Variants in ZCCHC10 observed in about 807,000 individuals in gnomAD.
ZCCHC10 encodes zinc finger CCHC-type containing 10, also known as zinc finger CCHC domain-containing protein 10.
A neutral mutation model predicts 19.5 loss-of-function variants in ZCCHC10; 16 were observed. That is an observed-to-expected ratio of 0.82 (90% CI 0.56 to 1.25). ZCCHC10 has a LOEUF of 1.25. ZCCHC10 is among the 50% of genes most tolerant of loss of function. ZCCHC10 has a pLI of 0.00. For missense variants in ZCCHC10, 197 were observed against 201.0 expected (o/e 0.98, Z 0.12); for synonymous variants, 67 against 72.5 (o/e 0.92, Z 0.38).
At chr5:133,007,800 G>A (rs1763222943) in intron 2 of ZCCHC10, among the ~76,000 whole-genome samples, 1 of 152,142 alleles carries the variant, frequency 6.6e-6, no homozygotes, top group Non-Finnish European at 1.5e-5. Context: ...AGACCTTGAA[G>A]TTAAGATACA....
At position 133,006,776 on chromosome 5, in the gene ZCCHC10, T is replaced by C. The variant is rs187753144; in HGVS notation, c.252A>G (p.Arg84=). The change falls in exon 3 of 5, where the codon AGA becomes AGG. Residue 84 remains arginine, a synonymous_variant. Coordinates refer to ENST00000509437, the MANE Select transcript of ZCCHC10 (RefSeq NM_001300816.3). The part of the protein sequence containing the change: ...LKKALKEKEN[R]LLLQQSIGET... ...AAACCTACCTTTGTTGCAATAATAA[T>C]CTGTTTTCTTTTTCTTTTAAAGCTT... 19 of 1,604,974 alleles carry C rather than the reference T, an allele frequency of 1.2e-5. No individual in the cohort carries two copies. In the African/African-American group the frequency reaches 2.3e-4, roughly 19 times the overall value.
chr5:133,025,096 A>G (rs773011635), intron 1 of ZCCHC10, among the ~76,000 whole-genome samples: 8 of 152,126 alleles, frequency 5.3e-5, no homozygotes, highest in Non-Finnish European at 1.2e-4. Context: ...ACACACATAC[A>G]TATACTAGCA....
rs190505865 is a variant in ZCCHC10, at chr5:133,008,920, G to A, written c.108-2000C>T. Among the ~76,000 whole-genome samples, 26 of 152,252 alleles carry A rather than the reference G, an allele frequency of 1.7e-4. No homozygotes were observed. In the East Asian group the frequency reaches 4.6e-3, roughly 27 times the overall value. ...CCCAGCTACTTGGGAAGCTGAGATA[G>A]GAGGTGCAATTGAGCCCAGGAGTTT... is the stretch of plus-strand genomic sequence containing the variant. On this transcript the variant is annotated intron_variant, in intron 2 of 4. Transcript: ENST00000509437.
rs1282230741 is a variant in ZCCHC10 at position 132,998,365 on chromosome 5, T to C, written c.*218A>G. ...AGCTTTAAGTTCTAGAGATATATTT[T>C]AAAGATAAAAAAAACAAGATTCACC... On this transcript the variant is annotated 3_prime_UTR_variant, in exon 5 of 5. Transcript: ENST00000509437. 3 of 462,584 alleles carry C rather than the reference T, an allele frequency of 6.5e-6. No individual in the cohort carries two copies. Among genetic ancestry groups the C allele is most frequent in the Non-Finnish European group, 7.7e-6 (2 of 258,984 alleles). The allele number at this position is 462,584 out of a possible 1,614,324, so 28.7% of individuals were successfully genotyped here.
At chr5:133,002,860 C>T (rs1429813732) in intron 3 of ZCCHC10, among the ~76,000 whole-genome samples, 1 of 151,930 alleles carries the variant, frequency 6.6e-6, no homozygotes, top group Non-Finnish European at 1.5e-5. Context: ...GCTGGGATTA[C>T]AGGTGCCCGC....
rs1480116222 is a variant in ZCCHC10 at position 133,020,619 on chromosome 5, CT to C, written c.107+2221del. 5.9e-5 allele frequency among the ~76,000 whole-genome samples: 6 copies of C among 101,742 alleles called. No individual in the cohort carries two copies. The East Asian group carries it at 1.1e-3, about 19-fold the overall frequency. The allele number at this position is 101,742 out of a possible 152,430, so 66.7% of individuals were successfully genotyped here. On this transcript the variant is annotated intron_variant, in intron 2 of 4. Coordinates refer to ENST00000509437, the MANE Select transcript of ZCCHC10 (RefSeq NM_001300816.3). ...CCTGTCTGACAAAGCAAAAGCCTGTCTTTAAAAAAAAAAAAAAAAAAGAGCT... is the reference window on the plus strand; with the variant it reads ...CCTGTCTGACAAAGCAAAAGCCTGTCTTAAAAAAAAAAAAAAAAAAGAGCT...
At chr5:133,022,522 C>T (rs768905990) in intron 2 of ZCCHC10, among the ~76,000 whole-genome samples, 2 of 151,334 alleles carry the variant, frequency 1.3e-5, no homozygotes, top group African/African-American at 4.9e-5. Context: ...GGCGAGATCT[C>T]GGCTCACTGC....
At position 133,026,337 on chromosome 5, in the gene ZCCHC10, C is replaced by T. The variant is rs146013548; in HGVS notation, c.41+160G>A. On this transcript the variant is annotated intron_variant, in intron 1 of 4. Coordinates refer to ENST00000509437, the MANE Select transcript of ZCCHC10 (RefSeq NM_001300816.3). ...TTCCGCGAAATCGCTAACCCCCGGT[C>T]ACCAGACTTATCGCCCGGGCCCGAG... Among the ~76,000 whole-genome samples, 456 of 152,342 alleles carry T rather than the reference C, an allele frequency of 3.0e-3. 2 individuals are homozygous for T. The highest frequency in any genetic ancestry group is 0.01 in the African/African-American group (428 of 41,576).
intron 2 of ZCCHC10, among the ~76,000 whole-genome samples, chr5:133,018,143 TCAA>T (rs1338573845): frequency 1.1e-5 from 1 of 93,746 alleles, no homozygotes; most frequent in African/African-American, 5.3e-5. Flanking sequence ...AGAATCTGTC[TCAA>T]AAAAAAAAAA....
chr5:133,015,315 G>A (rs911125852), intron 2 of ZCCHC10, among the ~76,000 whole-genome samples: 1 of 152,088 alleles, frequency 6.6e-6, no homozygotes, highest in African/African-American at 2.4e-5. Context: ...CTAACCTCAA[G>A]TGATCTGGCT....
chr5:133,015,625 T>C (rs895280171), intron 2 of ZCCHC10, among the ~76,000 whole-genome samples: 4 of 152,096 alleles, frequency 2.6e-5, no homozygotes, highest in East Asian at 1.9e-4. Flanking sequence ...CTGCTGTCAA[T>C]AGCCATGTAA....
intron 2 of ZCCHC10, among the ~76,000 whole-genome samples, chr5:133,014,784 G>A (rs1763810878): frequency 6.6e-6 from 1 of 152,190 alleles, no homozygotes; most frequent in Admixed American, 6.5e-5. Flanking sequence ...CAGAGTGAAT[G>A]ACCAAGACCA....
intron 2 of ZCCHC10, among the ~76,000 whole-genome samples, chr5:133,013,260 AG>A (rs1410309456): frequency 7.3e-6 from 1 of 136,930 alleles, no homozygotes; most frequent in Non-Finnish European, 1.6e-5. Context: ...TCCATCTCCA[AG>A]AAAAAAAAAA....
intron 2 of ZCCHC10, among the ~76,000 whole-genome samples, chr5:133,008,078 A>G (rs969126506): frequency 2.6e-5 from 4 of 151,072 alleles, no homozygotes; most frequent in Non-Finnish European, 5.9e-5. Context: ...ATAAAAAATT[A>G]GCCGGGCGTG....
chr5:133,020,003 T>G (rs1199308353), intron 2 of ZCCHC10, among the ~76,000 whole-genome samples: 1 of 148,994 alleles, frequency 6.7e-6, no homozygotes, highest in Non-Finnish European at 1.5e-5. Flanking sequence ...TAAAAGATGA[T>G]CATTTATCTA....
chr5:133,007,677 GCT>G (rs1462577808), intron 2 of ZCCHC10, among the ~76,000 whole-genome samples: 2 of 152,108 alleles, frequency 1.3e-5, no homozygotes, highest in African/African-American at 4.8e-5. Flanking sequence ...CCCCAGACAT[GCT>G]GAACTGTGAT....
chr5:133,006,894 C>T lies in ZCCHC10; in HGVS notation c.134G>A (p.Cys45Tyr). Residue 45 changes from cysteine to tyrosine, a missense_variant, in exon 3 of 5, where the codon TGT becomes TAT. Coordinates refer to ENST00000509437, the MANE Select transcript of ZCCHC10 (RefSeq NM_001300816.3). ...ISEANKQHVR[C>Y]QKCLEFGHWT... ...ATGTCCAAATTCCAAGCATTTCTGA[C>T]ATCTTACATGTTGCTTATTTGCTTC... The T allele has an allele frequency of 6.2e-7, 1 of 1,610,980 alleles. No individual in the cohort carries two copies. Among genetic ancestry groups the T allele is most frequent in the Non-Finnish European group, 8.5e-7 (1 of 1,178,910 alleles).
In ZCCHC10 at chr5:133,001,953, C is replaced by CTT. The variant is rs34331639; in HGVS notation, c.270-1782_270-1781dup. Reference sequence around the variant, plus strand: ...TATAACTGAATCAAAATTCAGCAATCTTTTTTTTTTTTTTTTTTTTTTTTT... The same window carrying CTT: ...TATAACTGAATCAAAATTCAGCAATCTTTTTTTTTTTTTTTTTTTTTTTTTTT... On this transcript the variant is annotated intron_variant, in intron 3 of 4. Coordinates refer to ENST00000509437, the MANE Select transcript of ZCCHC10 (RefSeq NM_001300816.3). Among the ~76,000 whole-genome samples the CTT allele has an allele frequency of 7.0e-3, 542 of 77,890 alleles. 88 individuals are homozygous for CTT. The highest frequency in any genetic ancestry group is 9.1e-3 in the Non-Finnish European group (360 of 39,414). The allele number at this position is 77,890 out of a possible 152,430, so 51.1% of individuals were successfully genotyped here.
chr5:132,999,388 A>T (rs1289378921), intron 4 of ZCCHC10, among the ~76,000 whole-genome samples: 1 of 152,228 alleles, frequency 6.6e-6, no homozygotes, highest in African/African-American at 2.4e-5. Flanking sequence ...GGAATTCAAG[A>T]TAAGCATATC....
Sources: gnomAD v4.1 joint callset for allele counts (sites outside exome capture counted in the v4.1 genomes callset) on GRCh38, gnomAD v4.1.1 for gene constraint, MANE v1.5 for transcripts, NCBI Gene and HGNC (gene_info 2026-07-23, HGNC 2026-07-21) for gene names.